MTMR7: variants seen among roughly 807,000 people sequenced by gnomAD.
The protein encoded by MTMR7 is myotubularin related protein 7, also known as phosphatidylinositol-3-phosphate phosphatase MTMR7.
A neutral mutation model predicts 81.2 loss-of-function variants in MTMR7; 76 were observed. The ratio of observed to expected loss-of-function variants is 0.94; its 90% CI spans 0.78 to 1.13. The LOEUF is 1.13. Among genes scored for constraint, MTMR7 ranks in the 50% most tolerant of loss-of-function variants. The pLI is 0.00. For missense variants in MTMR7, 1,044 were observed against 820.0 expected (o/e 1.27, Z -3.34); for synonymous variants, 372 against 289.8 (o/e 1.28, Z -2.88).
intron 1 of MTMR7, among the ~76,000 whole-genome samples, chr8:17,373,600 C>T (rs1820486365): frequency 1.3e-5 from 2 of 152,122 alleles, no homozygotes; most frequent in Admixed American, 1.3e-4. Flanking sequence ...TCTGAGTTTA[C>T]ACTATGTATC....
intron 6 of MTMR7, among the ~76,000 whole-genome samples, chr8:17,334,266 A>G (rs529590880): frequency 2.0e-5 from 3 of 152,228 alleles, no homozygotes; most frequent in Non-Finnish European, 4.4e-5. Flanking sequence ...CGGTTTTACA[A>G]TTAATAAAAA....
chr8:17,342,141 C>T (rs1819425273), intron 5 of MTMR7, among the ~76,000 whole-genome samples: 1 of 152,162 alleles, frequency 6.6e-6, no homozygotes, highest in African/African-American at 2.4e-5. Context: ...CCGTACCCTG[C>T]AATTCTGACA....
At chr8:17,347,975 G>C (rs1165507472) in intron 5 of MTMR7, among the ~76,000 whole-genome samples, 1 of 152,138 alleles carries the variant, frequency 6.6e-6, no homozygotes, top group Non-Finnish European at 1.5e-5. Flanking sequence ...GCCAAATCCA[G>C]GTGGTGGTAG....
chr8:17,374,226 C>G (rs903594827), intron 1 of MTMR7, among the ~76,000 whole-genome samples: 1 of 152,240 alleles, frequency 6.6e-6, no homozygotes, highest in African/African-American at 2.4e-5. Flanking sequence ...TGCCTCACAT[C>G]TGTAATCCCA....
At chr8:17,354,346 T>A (rs1210487413) in intron 4 of MTMR7, among the ~76,000 whole-genome samples, 1 of 152,250 alleles carries the variant, frequency 6.6e-6, no homozygotes, top group Non-Finnish European at 1.5e-5. Flanking sequence ...TGGTTTGGGT[T>A]GTATTTTATA....
chr8:17,407,368 T>C (rs1439090158), intron 1 of MTMR7, among the ~76,000 whole-genome samples: 3 of 152,060 alleles, frequency 2.0e-5, no homozygotes, highest in Admixed American at 1.3e-4. Context: ...GTAAGAAACA[T>C]AGTCTATATT....
intron 13 of MTMR7, chr8:17,301,889 A>C (rs17687453): frequency 0.11 from 47,517 of 441,344 alleles, 2,837 homozygotes; most frequent in South Asian, 0.21. Flanking sequence ...CTCAAATAAC[A>C]GTAACCAAAC....
At chr8:17,344,965 T>A (rs1026026426) in intron 5 of MTMR7, among the ~76,000 whole-genome samples, 2 of 149,874 alleles carry the variant, frequency 1.3e-5, no homozygotes, top group Admixed American at 6.6e-5. Flanking sequence ...AGTGAAACTT[T>A]AAAAAAAAAA....
chr8:17,385,319 C>G (rs1276590617), intron 1 of MTMR7, among the ~76,000 whole-genome samples: 6 of 152,206 alleles, frequency 3.9e-5, no homozygotes, highest in African/African-American at 1.4e-4. Flanking sequence ...CCACGCAAAT[C>G]TCATCTTCAA....
chr8:17,375,273 A>G (rs889894411), intron 1 of MTMR7, among the ~76,000 whole-genome samples: 2 of 152,116 alleles, frequency 1.3e-5, no homozygotes, highest in African/African-American at 4.8e-5. Flanking sequence ...GAGCCAAGCC[A>G]GCCCTCTAGG....
intron 3 of MTMR7, among the ~76,000 whole-genome samples, chr8:17,369,462 A>G (rs1355972217): frequency 6.6e-6 from 1 of 151,950 alleles, no homozygotes; most frequent in East Asian, 1.9e-4. Flanking sequence ...AAATGCCTTG[A>G]AAAGTTCATA....
intron 9 of MTMR7, among the ~76,000 whole-genome samples, chr8:17,310,636 C>A (rs905273338): frequency 1.3e-5 from 2 of 152,126 alleles, no homozygotes; most frequent in Admixed American, 1.3e-4. Context: ...TCAATGCTAT[C>A]ACAGGTAATT....
At chr8:17,314,801 G>C (rs1817975605) in intron 7 of MTMR7, among the ~76,000 whole-genome samples, 1 of 152,230 alleles carries the variant, frequency 6.6e-6, no homozygotes. Context: ...CTGAAGACCT[G>C]ATATGCAGTC....
At chr8:17,402,720 C>T (rs947466878) in intron 1 of MTMR7, among the ~76,000 whole-genome samples, 1 of 152,164 alleles carries the variant, frequency 6.6e-6, no homozygotes, top group Non-Finnish European at 1.5e-5. Context: ...CTGCCATAAG[C>T]ATGGGAGCAC....
chr8:17,305,947 G>A lies in MTMR7; in HGVS notation c.1162C>T (p.Leu388=). 6.2e-7 allele frequency: 1 copy of A among 1,612,540 alleles called. No homozygotes were observed. Among genetic ancestry groups the A allele is most frequent in the Non-Finnish European group, 8.5e-7 (1 of 1,178,850 alleles). The change falls in exon 11 of 14, where the codon CTA becomes TTA. Residue 388 remains leucine (L), a synonymous_variant. Transcript: ENST00000180173. ...GHKFNHRYGN[L]DGDPKEISPV... ...GAGATTTCTTTTGGGTCACCATCTA[G>A]ATTGCCATATCTATAAAACAAAGCA... is the stretch of plus-strand genomic sequence containing the variant.
At chr8:17,374,699 G>T (rs1820520856) in intron 1 of MTMR7, among the ~76,000 whole-genome samples, 1 of 152,166 alleles carries the variant, frequency 6.6e-6, no homozygotes, top group Non-Finnish European at 1.5e-5. Flanking sequence ...TGCAATCCCA[G>T]CTACTCGGGA....
intron 3 of MTMR7, among the ~76,000 whole-genome samples, chr8:17,362,522 G>A (rs1274266123): frequency 1.3e-5 from 2 of 152,150 alleles, no homozygotes; most frequent in African/African-American, 2.4e-5. Context: ...CAAACGGGAG[G>A]CACACTCCCT....
intron 10 of MTMR7, among the ~76,000 whole-genome samples, chr8:17,307,560 C>A (rs1312827815): frequency 6.6e-6 from 1 of 152,152 alleles, no homozygotes; most frequent in African/African-American, 2.4e-5. Flanking sequence ...GATTATAAAT[C>A]ATGCTGCTAT....
intron 7 of MTMR7, among the ~76,000 whole-genome samples, chr8:17,322,200 A>C (rs1184849092): frequency 1.3e-5 from 2 of 152,174 alleles, no homozygotes; most frequent in Non-Finnish European, 2.9e-5. Context: ...GTCTTCAGAG[A>C]ACTGGCAAAA....
Sources: gnomAD v4.1 joint callset for allele counts (sites outside exome capture counted in the v4.1 genomes callset) on GRCh38, gnomAD v4.1.1 for gene constraint, MANE v1.5 for transcripts, NCBI Gene and HGNC (gene_info 2026-07-23, HGNC 2026-07-21) for gene names.